The following DNAAF11 variants were observed in gnomAD, a reference collection of about 807,000 sequenced individuals.
DNAAF11 encodes the protein dynein axonemal assembly factor 11, also known as leucine rich repeat containing 6.
In DNAAF11, 45 loss-of-function variants were observed where a neutral mutation model predicts 60.8. The ratio of observed to expected loss-of-function variants is 0.74; its 90% CI spans 0.58 to 0.95. DNAAF11 has a LOEUF of 0.95. Among genes scored for constraint, DNAAF11 ranks in the 40% least tolerant of loss-of-function variants. The pLI is 0.00. For synonymous variants in DNAAF11, 191 were observed against 183.5 expected, an observed-to-expected ratio of 1.04 and a Z score of -0.33; for missense variants, 546 against 546.2, an observed-to-expected ratio of 1.00 and a Z score of 0.00.
intron 1 of DNAAF11, among the ~76,000 whole-genome samples, chr8:132,674,547 A>G (rs1320843728): frequency 6.6e-6 from 1 of 152,246 alleles, no homozygotes; most frequent in Non-Finnish European, 1.5e-5. Flanking sequence ...CATACAATAT[A>G]AATAACTTAC....
At chr8:132,675,356 G>A in intron 1 of DNAAF11, 128 bp downstream of exon 1, 1 of 1,033,418 alleles carries the variant, frequency 9.7e-7, no homozygotes, top group Non-Finnish European at 1.4e-6. Context: ...GGCCGGGTGG[G>A]GTTAGGGTCC....
At chr8:132,661,379 T>C in intron 2 of DNAAF11, 81 bp downstream of exon 2, 1 of 1,185,858 alleles carries the variant, frequency 8.4e-7, no homozygotes. Context: ...GTGATTGTCT[T>C]CTAAAAATAA....
At chr8:132,673,623 T>G (rs532628556) in intron 1 of DNAAF11, among the ~76,000 whole-genome samples, 1 of 152,174 alleles carries the variant, frequency 6.6e-6, no homozygotes, top group Non-Finnish European at 1.5e-5. Context: ...TTCCTGTCAG[T>G]GACAATTAGC....
chr8:132,667,158 C>T (rs1372160389), intron 1 of DNAAF11, among the ~76,000 whole-genome samples: 3 of 152,236 alleles, frequency 2.0e-5, no homozygotes, highest in African/African-American at 7.2e-5. Context: ...TGGAACATAA[C>T]CTAAGGGATG....
chr8:132,585,936 A>G (rs1346384779), intron 10 of DNAAF11, among the ~76,000 whole-genome samples: 4 of 152,190 alleles, frequency 2.6e-5, no homozygotes, highest in Admixed American at 2.6e-4. Flanking sequence ...TAACTGAATG[A>G]GTGGGATGAA....
intron 11 of DNAAF11, among the ~76,000 whole-genome samples, chr8:132,582,664 C>A (rs1815460241): frequency 6.6e-6 from 1 of 152,202 alleles, no homozygotes; most frequent in South Asian, 2.1e-4. Context: ...TCAAACAAAC[C>A]CCATGTTTAA....
At chr8:132,656,794 T>G (rs751044984) in intron 3 of DNAAF11, 36 bp downstream of exon 3, 4 of 955,372 alleles carry the variant, frequency 4.2e-6, no homozygotes, top group Non-Finnish European at 6.5e-6. Context: ...ATCTCAATTT[T>G]AATTCATAAT....
chr8:132,665,370 G>A (rs1824532637), intron 1 of DNAAF11, among the ~76,000 whole-genome samples: 1 of 151,984 alleles, frequency 6.6e-6, no homozygotes, highest in Middle Eastern at 3.2e-3. Flanking sequence ...TAAGTCCAAG[G>A]AGCATTATTC....
intron 3 of DNAAF11, chr8:132,643,427 C>A: frequency 3.0e-6 from 1 of 333,124 alleles, no homozygotes; most frequent in Non-Finnish European, 6.0e-6. Context: ...TGGAAGAAGG[C>A]AGGAGGAGGC....
At chr8:132,592,488 G>T (rs1192511757) in intron 10 of DNAAF11, among the ~76,000 whole-genome samples, 4 of 152,180 alleles carry the variant, frequency 2.6e-5, no homozygotes, top group African/African-American at 7.2e-5. Context: ...AGGGGAGACA[G>T]TAGGAGCTGA....
At chr8:132,638,572 A>C (rs2130550487) in intron 3 of DNAAF11, among the ~76,000 whole-genome samples, 1 of 152,298 alleles carries the variant, frequency 6.6e-6, no homozygotes, top group South Asian at 2.1e-4. Context: ...ATTCTCCAAA[A>C]AGAAAGGCAT....
intron 8 of DNAAF11, among the ~76,000 whole-genome samples, chr8:132,613,012 G>A (rs993779906): frequency 2.6e-5 from 4 of 152,168 alleles, no homozygotes; most frequent in African/African-American, 7.2e-5. Flanking sequence ...GCCTAAAAAT[G>A]GAAAGGACTT....
chr8:132,670,947 G>C (rs755747595), intron 1 of DNAAF11, among the ~76,000 whole-genome samples: 7 of 151,960 alleles, frequency 4.6e-5, no homozygotes, highest in Non-Finnish European at 1.0e-4. Flanking sequence ...AAATAAAAAG[G>C]AACTCAACTT....
chr8:132,644,902 G>C (rs924303794), intron 3 of DNAAF11, among the ~76,000 whole-genome samples: 52 of 152,218 alleles, frequency 3.4e-4, no homozygotes, highest in Admixed American at 2.0e-4. Flanking sequence ...CTCCACCTCT[G>C]GGGGCAGGGC....
At chr8:132,702,043 T>C in the DNAAF11 span, 1,073 of 152,352 alleles carry the variant, frequency 7.0e-3, 15 homozygotes, top group African/African-American at 0.025. Context: ...CTTTCCTTCC[T>C]ATTTAAATAA....
chr8:132,585,984 G>T (rs1311256636), intron 10 of DNAAF11, among the ~76,000 whole-genome samples: 1 of 152,116 alleles, frequency 6.6e-6, no homozygotes, highest in African/African-American at 2.4e-5. Flanking sequence ...TCCCTTAAGG[G>T]AATGAAAACA....
intron 4 of DNAAF11, among the ~76,000 whole-genome samples, chr8:132,637,401 T>G (rs1191622877): frequency 1.3e-5 from 2 of 151,012 alleles, no homozygotes; most frequent in Non-Finnish European, 3.0e-5. Context: ...AGGTCAGGAG[T>G]TCAAGACCAG....
intron 11 of DNAAF11, among the ~76,000 whole-genome samples, chr8:132,580,136 A>G (rs1404538747): frequency 1.3e-5 from 2 of 152,206 alleles, no homozygotes; most frequent in Non-Finnish European, 2.9e-5. Context: ...TAAAACCACT[A>G]CAATTACTAT....
At chr8:132,593,872 T>C (rs529297481) in intron 10 of DNAAF11, among the ~76,000 whole-genome samples, 1 of 152,058 alleles carries the variant, frequency 6.6e-6, no homozygotes, top group East Asian at 1.9e-4. Context: ...CACTACTATA[T>C]ACCACCCATA....
Sources: allele counts gnomAD v4.1 joint callset (sites outside exome capture counted in the v4.1 genomes callset), GRCh38; gene constraint gnomAD v4.1.1; transcripts MANE v1.5; gene names NCBI Gene and HGNC (gene_info 2026-07-23, HGNC 2026-07-21).